USH2A: variants seen among roughly 807,000 people sequenced by gnomAD.
USH2A encodes the protein Usher syndrome 2A (autosomal recessive, mild).
In USH2A, 443 loss-of-function variants were observed where a neutral mutation model predicts 538.9. The ratio of observed to expected loss-of-function variants is 0.82; its 90% confidence interval spans 0.76 to 0.89. USH2A has a LOEUF of 0.89. USH2A is among the 40% of genes least tolerant of loss of function. USH2A has a pLI of 0.00. For missense variants in USH2A, 6,633 were observed against 6,324.8 expected (o/e 1.05, Z -1.65); for synonymous variants, 2,413 against 2,273.5 (o/e 1.06, Z -1.75).
intron 3 of USH2A, among the ~76,000 whole-genome samples, chr1:216,386,771 A>T (rs747442338): frequency 3.4e-5 from 5 of 146,020 alleles, no homozygotes; most frequent in Admixed American, 6.8e-5. Flanking sequence ...AGGATAATGG[A>T]GCGAACCCGG....
At chr1:216,174,453 C>T (rs2034333336) in intron 21 of USH2A, 2 of 985,210 alleles carry the variant, frequency 2.0e-6, no homozygotes, top group Non-Finnish European at 2.4e-6. Context: ...CTAGTAAGGC[C>T]AGGAGGAGGG....
At chr1:216,042,159 G>A (rs2030302107) in intron 32 of USH2A, among the ~76,000 whole-genome samples, 1 of 151,926 alleles carries the variant, frequency 6.6e-6, no homozygotes, top group Non-Finnish European at 1.5e-5. Context: ...AATGTTTAAT[G>A]ATAGGATATA....
intron 32 of USH2A, among the ~76,000 whole-genome samples, chr1:216,030,286 T>C (rs1022798445): frequency 3.6e-5 from 5 of 138,014 alleles, no homozygotes; most frequent in Non-Finnish European, 6.0e-5. Flanking sequence ...ATCACAGATA[T>C]ATAATATATA....
chr1:215,657,724 T>G (rs1657305913), intron 64 of USH2A, among the ~76,000 whole-genome samples: 1 of 152,142 alleles, frequency 6.6e-6, no homozygotes, highest in Non-Finnish European at 1.5e-5. Flanking sequence ...TTGCTTTCCA[T>G]GAGCACTTTT....
intron 64 of USH2A, among the ~76,000 whole-genome samples, chr1:215,659,125 T>C (rs1657359483): frequency 6.6e-6 from 1 of 152,126 alleles, no homozygotes; most frequent in Non-Finnish European, 1.5e-5. Flanking sequence ...CAGGTTAGGA[T>C]ATATGCTAGA....
chr1:215,931,674 A>G (rs646576), intron 38 of USH2A, among the ~76,000 whole-genome samples: 125,615 of 151,974 alleles, frequency 0.83, 52,035 homozygotes, highest in Admixed American at 0.84. Flanking sequence ...ATTTAAAACA[A>G]GTCGTTAAGC....
chr1:216,384,491 C>T (rs2038973170), intron 3 of USH2A, among the ~76,000 whole-genome samples: 1 of 152,154 alleles, frequency 6.6e-6, no homozygotes, highest in South Asian at 2.1e-4. Flanking sequence ...GGAATAGGCA[C>T]TCTGATTCTC....
At position 215,639,180 on chromosome 1, in the gene USH2A, G is replaced by T; in HGVS notation, c.15027C>A (p.Ile5009=). ...TDEGSVKTPL[I]QYDTSTGLGL... ...CAAGTCCAGTAGAGGTATCATATTG[G>T]ATCAACGGCGTCTTAACACTTCCTT... is the stretch of plus-strand genomic sequence containing the variant. The change falls in exon 69 of 72, where the codon ATC becomes ATA. Residue 5009 remains isoleucine, a synonymous_variant. Coordinates refer to ENST00000307340, the MANE Select transcript of USH2A (RefSeq NM_206933.4). The T allele has an allele frequency of 6.2e-7, 1 of 1,614,084 alleles. No individual in the cohort carries two copies. The highest frequency in any genetic ancestry group is 1.3e-5 in the African/African-American group (1 of 75,004).
At chr1:216,204,126 T>C (rs893308119) in intron 16 of USH2A, 28 of 153,612 alleles carry the variant, frequency 1.8e-4, no homozygotes, top group African/African-American at 6.7e-4. Context: ...GCTCCTTTGA[T>C]TCCAAACTCA....
chr1:216,416,330 C>A (rs1372268239), intron 3 of USH2A, among the ~76,000 whole-genome samples: 1 of 152,014 alleles, frequency 6.6e-6, no homozygotes, highest in Non-Finnish European at 1.5e-5. Flanking sequence ...ATGCTGCATA[C>A]CCCTCAAATA....
At chr1:216,271,881 A>G (rs545320133) in intron 11 of USH2A, among the ~76,000 whole-genome samples, 4 of 152,088 alleles carry the variant, frequency 2.6e-5, no homozygotes, top group Non-Finnish European at 5.9e-5. Context: ...ATGATGCATT[A>G]CCCTATTATA....
chr1:216,123,853 G>T (rs1459976641), intron 21 of USH2A, among the ~76,000 whole-genome samples: 1 of 152,126 alleles, frequency 6.6e-6, no homozygotes, highest in African/African-American at 2.4e-5. Flanking sequence ...TTTTCCTGCT[G>T]TTAGGACATG....
rs1310697186 is a variant in USH2A at position 215,717,302 on chromosome 1, T to C, written c.12066+10728A>G. Among the ~76,000 whole-genome samples the C allele has an allele frequency of 3.3e-5, 5 of 152,162 alleles. No individual in the cohort carries two copies. In the East Asian group the frequency reaches 9.6e-4, roughly 29 times the overall value. On this transcript the variant is annotated intron_variant, in intron 61 of 71. Coordinates refer to ENST00000307340, the MANE Select transcript of USH2A (RefSeq NM_206933.4). Reference sequence around the variant, plus strand: ...ATCTGATCAAACCCTGCCAAGATGATAGAAAGGTCTACGGAATCATCCAGG... The same window carrying C: ...ATCTGATCAAACCCTGCCAAGATGACAGAAAGGTCTACGGAATCATCCAGG...
intron 27 of USH2A, among the ~76,000 whole-genome samples, chr1:216,074,276 G>T (rs981315653): frequency 6.6e-6 from 1 of 151,910 alleles, no homozygotes; most frequent in Non-Finnish European, 1.5e-5. Context: ...AAAACTGCAC[G>T]AAATTGGGAC....
chr1:216,333,075 A>T (rs2102667388), intron 4 of USH2A, among the ~76,000 whole-genome samples: 1 of 152,246 alleles, frequency 6.6e-6, no homozygotes, highest in Non-Finnish European at 1.5e-5. Context: ...AAAACAAAAC[A>T]AAACAAAGTG....
chr1:216,198,524 G>T lies in USH2A; in HGVS notation c.3872C>A (p.Ser1291Tyr). 1.2e-6 allele frequency: 2 copies of T among 1,613,912 alleles called. No individual in the cohort carries two copies. The highest frequency in any genetic ancestry group is 2.2e-5 in the South Asian group (2 of 91,034). Residue 1291 changes from serine (S) to tyrosine (Y), a missense_variant, in exon 18 of 72, where the codon TCT (serine) becomes TAT (tyrosine). By Grantham distance (144) the Ser-to-Tyr change is moderately radical. Transcript: ENST00000307340. ...GCTCTGAAAAACTCGACTTTCCTCA[G>T]ATGTGGTTTCTTTAGTAGATCTCAG... is the stretch of plus-strand genomic sequence containing the variant. The part of the protein sequence containing the change: ...RRLRSTKETT[S>Y]EESRVFQSSG...
At position 216,207,349 on chromosome 1, in the gene USH2A, T is replaced by G; in HGVS notation, c.3240A>C (p.Pro1080=). ...AACTGTAAGTAAGCCAGTGGGCATT[T>G]GGAGAATCAGGTGGACTCCAGGAGA... ...INLSWSPPDS[P]NAHWLTYSLL... is the part of the protein sequence containing the mutation. Residue 1080 remains proline (P), a synonymous_variant, in exon 16 of 72, where the codon CCA becomes CCC. Coordinates refer to ENST00000307340, the MANE Select transcript of USH2A (RefSeq NM_206933.4). 1 of 1,614,072 alleles carries G rather than the reference T, an allele frequency of 6.2e-7. No homozygotes were observed. Among genetic ancestry groups the G allele is most frequent in the Non-Finnish European group, 8.5e-7 (1 of 1,179,954 alleles).
intron 35 of USH2A, among the ~76,000 whole-genome samples, chr1:215,981,377 A>T (rs1259064934): frequency 6.6e-6 from 1 of 152,102 alleles, no homozygotes; most frequent in African/African-American, 2.4e-5. Context: ...CTTATAGTAT[A>T]TTTTGATAAA....
At chr1:215,694,546 C>G (rs752241400) in intron 61 of USH2A, among the ~76,000 whole-genome samples, 11 of 152,154 alleles carry the variant, frequency 7.2e-5, no homozygotes, top group Non-Finnish European at 1.3e-4. Flanking sequence ...GCACTCCAGC[C>G]TGGGTGACAG....
Sources: gnomAD v4.1 joint callset for allele counts (sites outside exome capture counted in the v4.1 genomes callset) on GRCh38, gnomAD v4.1.1 for gene constraint, MANE v1.5 for transcripts, NCBI Gene and HGNC (gene_info 2026-07-23, HGNC 2026-07-21) for gene names.